SUMF1: variants seen among roughly 807,000 people sequenced by gnomAD.
SUMF1 encodes formylglycine-generating enzyme.
Under a neutral mutation model 47.6 loss-of-function variants are expected in SUMF1, and 48 were observed. That is an observed-to-expected ratio of 1.01 (90% confidence interval 0.80 to 1.28). The LOEUF (loss-of-function observed/expected upper bound fraction) is 1.28, where lower values mean the gene tolerates loss of function less well. Ranked by LOEUF, SUMF1 falls within the 50% of genes most tolerant of loss-of-function variation. SUMF1 has a pLI of 0.00. For synonymous variants in SUMF1, 230 were observed against 192.1 expected (o/e 1.20, Z -1.63); for missense variants, 571 against 485.4 (o/e 1.18, Z -1.66).
chr3:4,057,341 G>T (rs317536), intron 9 of SUMF1, among the ~76,000 whole-genome samples: 102,893 of 152,014 alleles, frequency 0.68, 36,097 homozygotes, highest in East Asian at 0.99. Flanking sequence ...ATCACTCACT[G>T]CATAAGGCGT....
At chr3:4,168,438 C>T (rs1694760020) in intron 8 of SUMF1, among the ~76,000 whole-genome samples, 1 of 152,166 alleles carries the variant, frequency 6.6e-6, no homozygotes, top group African/African-American at 2.4e-5. Flanking sequence ...CCAGCTCCAG[C>T]TCTGCTCAGA....
intron 1 of SUMF1, among the ~76,000 whole-genome samples, chr3:4,466,005 A>C (rs1384166747): frequency 6.6e-6 from 1 of 152,246 alleles, no homozygotes; most frequent in African/African-American, 2.4e-5. Context: ...AAGAAGGAGC[A>C]CTAGTTTAGG....
chr3:4,050,548 C>A (rs1695089285), intron 9 of SUMF1, among the ~76,000 whole-genome samples: 1 of 151,368 alleles, frequency 6.6e-6, no homozygotes, highest in Non-Finnish European at 1.5e-5. Flanking sequence ...TCAAGACCAG[C>A]CTGGGCAACA....
chr3:4,085,534 T>C (rs1692653716), intron 8 of SUMF1, among the ~76,000 whole-genome samples: 1 of 152,102 alleles, frequency 6.6e-6, no homozygotes, highest in Non-Finnish European at 1.5e-5. Flanking sequence ...GATACCCACA[T>C]GTCTTGTTAA....
At chr3:4,245,966 G>A (rs958755698) in intron 8 of SUMF1, among the ~76,000 whole-genome samples, 13 of 152,170 alleles carry the variant, frequency 8.5e-5, no homozygotes, top group Admixed American at 4.6e-4. Context: ...CTCAGCAATC[G>A]TGGATGCCCC....
chr3:4,215,282 C>T (rs973086738), intron 8 of SUMF1, among the ~76,000 whole-genome samples: 2 of 152,076 alleles, frequency 1.3e-5, no homozygotes, highest in Admixed American at 6.6e-5. Context: ...ATAAACAGAA[C>T]CAATGCCAAA....
intron 8 of SUMF1, among the ~76,000 whole-genome samples, chr3:4,120,819 GCA>G (rs2125077673): frequency 1.3e-5 from 2 of 152,222 alleles, no homozygotes; most frequent in African/African-American, 4.8e-5. Context: ...TGTATTAAAT[GCA>G]CCTGAAGTCT....
At chr3:4,067,790 C>T (rs1347945008) in intron 9 of SUMF1, among the ~76,000 whole-genome samples, 1 of 152,104 alleles carries the variant, frequency 6.6e-6, no homozygotes, top group Non-Finnish European at 1.5e-5. Flanking sequence ...AGTTTTGGGT[C>T]CAAACTCAAC....
chr3:4,070,585 A>G (rs1013132257), intron 8 of SUMF1, among the ~76,000 whole-genome samples: 2 of 152,156 alleles, frequency 1.3e-5, no homozygotes, highest in African/African-American at 4.8e-5. Context: ...ACATAGAAGA[A>G]AAGGGAAAGA....
At chr3:4,120,357 T>G (rs1372434503) in intron 8 of SUMF1, among the ~76,000 whole-genome samples, 2 of 152,156 alleles carry the variant, frequency 1.3e-5, no homozygotes, top group African/African-American at 4.8e-5. Flanking sequence ...GAAAGCTTGT[T>G]AGATCTCACA....
chr3:4,401,677 C>T (rs1349285699), intron 7 of SUMF1, among the ~76,000 whole-genome samples: 1 of 152,204 alleles, frequency 6.6e-6, no homozygotes, highest in African/African-American at 2.4e-5. Context: ...CGACTGACCT[C>T]ACTTTCATCA....
rs544670200 is a variant in SUMF1, at chr3:4,113,721, C to T, written c.1015-44976G>A. Among the ~76,000 whole-genome samples, 9 of 152,092 alleles carry T rather than the reference C, an allele frequency of 5.9e-5. No homozygotes were observed. In the South Asian group the frequency reaches 1.9e-3, roughly 32 times the overall value. The stretch of plus-strand genomic sequence containing the variant: ...CCACTCTTAACAACAGGAAAAAACT[C>T]AGTCTCTCTTCATGTGGCACAATTA... On this transcript the variant is annotated intron_variant and NMD_transcript_variant, in intron 8 of 12. Coordinates refer to the SUMF1 transcript ENST00000448413.
At chr3:4,356,115 C>T (rs1357610255) in intron 8 of SUMF1, among the ~76,000 whole-genome samples, 1 of 152,226 alleles carries the variant, frequency 6.6e-6, no homozygotes, top group Non-Finnish European at 1.5e-5. Context: ...AAAGCTCCAT[C>T]TGAGGCTCTC....
chr3:4,043,105 T>C (rs1313193795), intron 9 of SUMF1, among the ~76,000 whole-genome samples: 1 of 152,130 alleles, frequency 6.6e-6, no homozygotes, highest in African/African-American at 2.4e-5. Context: ...ACTGTGGCTC[T>C]GACAATGACT....
chr3:4,288,309 C>A (rs186921572), intron 8 of SUMF1, among the ~76,000 whole-genome samples: 5 of 152,292 alleles, frequency 3.3e-5, no homozygotes, highest in Admixed American at 3.3e-4. Context: ...ACAAAAATGT[C>A]ATCAGCTTTA....
In SUMF1 at chr3:4,341,857, T is replaced by G. The variant is rs184159849; in HGVS notation, c.1014+34473A>C. ...AAACGCTATTTATGTGTGTGTGTGT[T>G]TTTTAACTAAGAAGTCATTCATTTG... On this transcript the variant is annotated intron_variant and NMD_transcript_variant, in intron 8 of 12. Transcript: ENST00000448413. Among the ~76,000 whole-genome samples the G allele has an allele frequency of 1.5e-3, 236 of 152,342 alleles. 1 individual carries two copies. The highest frequency in any genetic ancestry group is 5.3e-3 in the African/African-American group (221 of 41,578).
intron 8 of SUMF1, among the ~76,000 whole-genome samples, chr3:4,239,441 T>A (rs1696487673): frequency 6.6e-6 from 1 of 152,192 alleles, no homozygotes; most frequent in Non-Finnish European, 1.5e-5. Context: ...GTGTTCTCTC[T>A]TATTTTCTTG....
At chr3:4,371,960 A>C (rs2125208238) in intron 8 of SUMF1, among the ~76,000 whole-genome samples, 1 of 152,300 alleles carries the variant, frequency 6.6e-6, no homozygotes, top group African/African-American at 2.4e-5. Context: ...CTCCTTATTG[A>C]AGCTATACTT....
chr3:4,086,246 A>G (rs1692669371), intron 8 of SUMF1, among the ~76,000 whole-genome samples: 1 of 151,886 alleles, frequency 6.6e-6, no homozygotes, highest in Non-Finnish European at 1.5e-5. Flanking sequence ...TATTGTCATT[A>G]AACTGGGGTA....
Sources: gnomAD v4.1 joint callset for allele counts (sites outside exome capture counted in the v4.1 genomes callset) on GRCh38, gnomAD v4.1.1 for gene constraint, MANE v1.5 for transcripts, NCBI Gene and HGNC (gene_info 2026-07-23, HGNC 2026-07-21) for gene names.